RNGTT: variants seen among roughly 807,000 people sequenced by gnomAD.
RNGTT encodes mRNA-capping enzyme.
In RNGTT, 33 loss-of-function variants were observed where a neutral mutation model predicts 79.3. The observed-to-expected ratio is 0.42, with a 90% confidence interval of 0.32 to 0.56. The LOEUF (loss-of-function observed/expected upper bound fraction) is 0.56. Among genes scored for constraint, RNGTT ranks in the 20% least tolerant of loss-of-function variants. The pLI is 0.17. For synonymous variants in RNGTT, 222 were observed against 235.9 expected, an observed-to-expected ratio of 0.94 and a Z score of 0.54; for missense variants, 497 against 739.1, an observed-to-expected ratio of 0.67 and a Z score of 3.80.
In RNGTT at chr6:88,924,689, T is replaced by C. The variant is rs369753415; in HGVS notation, c.367+4296A>G. On this transcript the variant is annotated intron_variant, in intron 4 of 15. Transcript: ENST00000369485. ...GTCTTTTGTTGTTGTTGTTTTATGT[T>C]TTATTTTTTTCTTTGCCCTCAAACA... Among the ~76,000 whole-genome samples, 6 of 152,096 alleles carry C rather than the reference T, an allele frequency of 3.9e-5. No homozygotes were observed. In the East Asian group the frequency reaches 1.2e-3, roughly 29 times the overall value.
At chr6:88,827,284 G>A (rs1057362528) in intron 11 of RNGTT, among the ~76,000 whole-genome samples, 4 of 152,152 alleles carry the variant, frequency 2.6e-5, no homozygotes, top group African/African-American at 9.7e-5. Context: ...GGAAGCACAA[G>A]GGGTTTGGGC....
At chr6:88,773,531 T>C (rs972420876) in intron 12 of RNGTT, among the ~76,000 whole-genome samples, 2 of 149,924 alleles carry the variant, frequency 1.3e-5, no homozygotes, top group Admixed American at 1.3e-4. Flanking sequence ...AAGAAAAGAA[T>C]TGAAAGAGTC....
intron 11 of RNGTT, among the ~76,000 whole-genome samples, chr6:88,829,721 A>AAAAAAAAAAAAAAAC (rs1554221603): frequency 2.6e-5 from 3 of 115,578 alleles, no homozygotes; most frequent in Non-Finnish European, 3.8e-5. Flanking sequence ...AAAAAAAAAA[A>AAAAAAAAAAAAAAAC]AAACCAGGGG....
chr6:88,934,963 TTG>T (rs762504611), intron 2 of RNGTT, among the ~76,000 whole-genome samples: 37 of 152,302 alleles, frequency 2.4e-4, no homozygotes, highest in Non-Finnish European at 4.6e-4. Flanking sequence ...GTTGTTTGAG[TTG>T]TGTTTTTGAG....
At chr6:88,832,729 A>G (rs868445854) in intron 11 of RNGTT, among the ~76,000 whole-genome samples, 1 of 152,216 alleles carries the variant, frequency 6.6e-6, no homozygotes, top group Non-Finnish European at 1.5e-5. Context: ...ACTTAAATTT[A>G]CAAGAAAAAA....
rs73752999 is a variant in RNGTT at position 88,685,900 on chromosome 6, C to G, written c.1440-7481G>C. On this transcript the variant is annotated intron_variant, in intron 13 of 15. Coordinates refer to ENST00000369485, the MANE Select transcript of RNGTT (RefSeq NM_003800.5). ...ATGGAGAAGAATGCAAAAACACCTTCTATCACCATTTTTGTTTAACAATGT... is the reference window on the plus strand; with the variant it reads ...ATGGAGAAGAATGCAAAAACACCTTGTATCACCATTTTTGTTTAACAATGT... Among the ~76,000 whole-genome samples the G allele has an allele frequency of 2.7e-3, 416 of 151,776 alleles. 3 individuals carry two copies. The highest frequency in any genetic ancestry group is 9.7e-3 in the African/African-American group (403 of 41,394).
At position 88,891,843 on chromosome 6, in the gene RNGTT, C is replaced by A. The variant is rs187239458; in HGVS notation, c.757G>T (p.Val253Leu). The change falls in exon 7 of 16, where the codon GTA becomes TTA. Residue 253 changes from valine (V) to leucine (L), a missense_variant. Coordinates refer to ENST00000369485, the MANE Select transcript of RNGTT (RefSeq NM_003800.5). ...CAGAATTGATGACACTTCTGCTGTA[C>A]CTCTCCTAACTTTGGTTGTGTTGTT... ...QVTTQPKLGE[V>L]QQKCHQFCGW... is the part of the protein sequence containing the mutation. 2 of 1,602,302 alleles carry A rather than the reference C, an allele frequency of 1.2e-6. No homozygotes were observed. The highest frequency in any genetic ancestry group is 1.7e-6 in the Non-Finnish European group (2 of 1,174,420).
At chr6:88,927,238 A>T (rs1784348831) in intron 4 of RNGTT, among the ~76,000 whole-genome samples, 1 of 152,194 alleles carries the variant, frequency 6.6e-6, no homozygotes, top group East Asian at 1.9e-4. Context: ...AAAACATTTA[A>T]TTGGGCAGGC....
intron 13 of RNGTT, among the ~76,000 whole-genome samples, chr6:88,679,924 AG>A (rs1230068826): frequency 6.6e-6 from 1 of 152,242 alleles, no homozygotes; most frequent in Non-Finnish European, 1.5e-5. Flanking sequence ...CCTTGCCCAG[AG>A]GAACTATGCA....
chr6:88,860,380 T>C (rs1358940951), intron 8 of RNGTT, among the ~76,000 whole-genome samples: 1 of 152,196 alleles, frequency 6.6e-6, no homozygotes, highest in Non-Finnish European at 1.5e-5. Context: ...GGCCCAGATT[T>C]TCCCTACCCC....
intron 12 of RNGTT, among the ~76,000 whole-genome samples, chr6:88,770,994 GTAAA>G (rs1778637164): frequency 6.6e-6 from 1 of 151,906 alleles, no homozygotes; most frequent in South Asian, 2.1e-4. Flanking sequence ...CTTACATATT[GTAAA>G]TAAATAGTCT....
intron 14 of RNGTT, 32 bp downstream of exon 14, chr6:88,678,321 A>G: frequency 6.3e-7 from 1 of 1,585,578 alleles, no homozygotes; most frequent in Non-Finnish European, 8.6e-7. Context: ...GAGAACATCC[A>G]GGAAAAGTAC....
chr6:88,855,365 A>C (rs1340978946), intron 8 of RNGTT, among the ~76,000 whole-genome samples: 1 of 152,200 alleles, frequency 6.6e-6, no homozygotes, highest in Non-Finnish European at 1.5e-5. Flanking sequence ...GAGGAGAAAT[A>C]GGAGAGCTGA....
intron 14 of RNGTT, among the ~76,000 whole-genome samples, chr6:88,630,909 C>T (rs1772851016): frequency 6.6e-6 from 1 of 152,110 alleles, no homozygotes; most frequent in African/African-American, 2.4e-5. Context: ...AATTGAGCTT[C>T]AAAAGCACTT....
chr6:88,833,682 T>G (rs1780958482), intron 11 of RNGTT, among the ~76,000 whole-genome samples: 1 of 152,176 alleles, frequency 6.6e-6, no homozygotes, highest in African/African-American at 2.4e-5. Context: ...AACAATTAAT[T>G]GATCAGATTT....
chr6:88,852,716 C>T (rs971569714), intron 9 of RNGTT, among the ~76,000 whole-genome samples: 2 of 152,148 alleles, frequency 1.3e-5, no homozygotes, highest in Non-Finnish European at 2.9e-5. Context: ...ATTTCTCAAA[C>T]TTGCCTAATT....
chr6:88,678,257 C>A, intron 14 of RNGTT, 96 bp downstream of exon 14: 2 of 1,496,400 alleles, frequency 1.3e-6, no homozygotes, highest in Admixed American at 2.0e-5. Context: ...TGCTGGAACA[C>A]GATATTTTTA....
chr6:88,709,088 T>C (rs1237839100), intron 13 of RNGTT, among the ~76,000 whole-genome samples: 1 of 151,910 alleles, frequency 6.6e-6, no homozygotes, highest in African/African-American at 2.4e-5. Context: ...GGCGGAGGGA[T>C]CATGAGGTCA....
intron 13 of RNGTT, among the ~76,000 whole-genome samples, chr6:88,727,522 G>A (rs990163283): frequency 1.3e-5 from 2 of 152,146 alleles, no homozygotes; most frequent in African/African-American, 4.8e-5. Flanking sequence ...AGGTTAAAAG[G>A]AGTCTATAAA....
Sources: gnomAD v4.1 joint callset for allele counts (sites outside exome capture counted in the v4.1 genomes callset) on GRCh38, gnomAD v4.1.1 for gene constraint, MANE v1.5 for transcripts, NCBI Gene and HGNC (gene_info 2026-07-23, HGNC 2026-07-21) for gene names.